The following TG variants were observed in gnomAD, a reference collection of about 807,000 sequenced individuals.
TG encodes the protein thyroid hormones.
Under a neutral mutation model 324.7 loss-of-function variants are expected in TG, and 270 were observed. The observed-to-expected ratio is 0.83, with a 90% confidence interval of 0.75 to 0.92. The LOEUF is 0.92. Among genes scored for constraint, TG ranks in the 40% least tolerant of loss-of-function variants. TG has a pLI of 0.00. For missense variants in TG, 3,591 were observed against 3,456.4 expected (o/e 1.04, Z -0.98); for synonymous variants, 1,401 against 1,327.0 (o/e 1.06, Z -1.21).
At chr8:133,130,108 A>G (rs932957340) in intron 45 of TG, among the ~76,000 whole-genome samples, 1 of 152,204 alleles carries the variant, frequency 6.6e-6, no homozygotes, top group African/African-American at 2.4e-5. Flanking sequence ...TTGTGTCACC[A>G]TTTTACAGAG....
At chr8:133,036,206 C>A (rs1439589127) in intron 41 of TG, among the ~76,000 whole-genome samples, 1 of 152,190 alleles carries the variant, frequency 6.6e-6, no homozygotes, top group African/African-American at 2.4e-5. Context: ...TAAGCCTGGA[C>A]CTGAAGGATG....
intron 3 of TG, 115 bp from the exon 4 acceptor site, chr8:132,871,233 C>A: frequency 9.5e-7 from 1 of 1,053,584 alleles, no homozygotes; most frequent in Non-Finnish European, 1.5e-6. Context: ...TGTCCTTGGG[C>A]GGGTCATTCC....
chr8:132,945,037 G>A (rs1303021101), intron 26 of TG, among the ~76,000 whole-genome samples: 5 of 152,256 alleles, frequency 3.3e-5, no homozygotes, highest in South Asian at 4.2e-4. Context: ...CCTTGTAGGC[G>A]GCATGAATAG....
At chr8:132,952,600 T>A (rs1057182367) in intron 27 of TG, among the ~76,000 whole-genome samples, 3 of 152,206 alleles carry the variant, frequency 2.0e-5, no homozygotes, top group Non-Finnish European at 4.4e-5. Context: ...ATGATCTGGG[T>A]AATGGGGAAT....
chr8:132,976,966 T>C (rs1010215995), intron 34 of TG, among the ~76,000 whole-genome samples: 3 of 152,206 alleles, frequency 2.0e-5, no homozygotes, highest in Non-Finnish European at 2.9e-5. Flanking sequence ...GTTTAATAAA[T>C]TACAGTATTC....
intron 25 of TG, among the ~76,000 whole-genome samples, chr8:132,938,717 T>A (rs973789011): frequency 9.9e-5 from 15 of 151,908 alleles, no homozygotes; most frequent in African/African-American, 3.6e-4. Context: ...AGGGAAGGAA[T>A]CACAGAGGAG....
At chr8:132,936,910 C>G (rs950611072) in intron 25 of TG, among the ~76,000 whole-genome samples, 5 of 151,280 alleles carry the variant, frequency 3.3e-5, no homozygotes, top group African/African-American at 1.2e-4. Flanking sequence ...AACCCCTCCT[C>G]TGCCACATAT....
At chr8:133,033,057 C>T (rs1319710686) in intron 41 of TG, among the ~76,000 whole-genome samples, 1 of 152,164 alleles carries the variant, frequency 6.6e-6, no homozygotes, top group East Asian at 1.9e-4. Flanking sequence ...TTGGGACTCT[C>T]TTGGGGTCTC....
In TG at chr8:132,886,702, A is replaced by G. The variant is rs115514040; in HGVS notation, c.1330A>G (p.Ile444Val). 5.1e-5 allele frequency: 82 copies of G among 1,614,234 alleles called. No individual in the cohort carries two copies. In the African/African-American group the frequency reaches 9.1e-4, roughly 18 times the overall value. ...CTCAGAAAATCTTCTCAAAGAAGCC[A>G]TCCGAGCAATTTTTCCCTCCCGAGG... is the stretch of plus-strand genomic sequence containing the variant. ...SVSENLLKEA[I>V]RAIFPSRGLA... Residue 444 changes from isoleucine to valine, a missense_variant, in exon 9 of 48, where the codon ATC (isoleucine) becomes GTC (valine). Ile to Val is a conservative substitution (Grantham distance 29). Transcript: ENST00000220616.
In TG at chr8:132,929,151, A is replaced by C. The variant is rs1258602787; in HGVS notation, c.4775A>C (p.Lys1592Thr). The stretch of plus-strand genomic sequence containing the variant: ...AATGCTCCTGTGGCTGTCAGATCCA[A>C]AGTTCCTGATTCTGAGTTCCCCGTG... Reference protein sequence around the residue: ...DANAPVAVRSKVPDSEFPVMQ... With the variant: ...DANAPVAVRSTVPDSEFPVMQ... Residue 1592 changes from lysine to threonine, a missense_variant, in exon 23 of 48, where the codon AAA becomes ACA. Physicochemically the swap from Lys to Thr is moderately conservative, Grantham distance 78. Coordinates refer to ENST00000220616, the MANE Select transcript of TG (RefSeq NM_003235.5). The C allele has an allele frequency of 1.2e-6, 2 of 1,614,160 alleles. No individual in the cohort carries two copies. Among genetic ancestry groups the C allele is most frequent in the Non-Finnish European group, 8.5e-7 (1 of 1,180,020 alleles).
intron 41 of TG, chr8:133,049,153 C>T (rs1414619946): frequency 4.4e-6 from 2 of 456,416 alleles, no homozygotes; most frequent in South Asian, 1.5e-5. Flanking sequence ...CCAAAGCCAC[C>T]CAGGAGGCTG....
chr8:132,893,675 T>C lies in TG; in HGVS notation c.2762-15T>C, dbSNP rs1241753761. On this transcript the variant is annotated splice_polypyrimidine_tract_variant and intron_variant, in intron 10 of 47. Transcript: ENST00000220616. ...GTGGTGAGTGAGTCCATCTGTGTTA[T>C]TTTTATTCCCCTAGGTCCTGGCTCC... 1 of 1,613,424 alleles carries C rather than the reference T, an allele frequency of 6.2e-7. No individual in the cohort carries two copies. Among genetic ancestry groups the C allele is most frequent in the Non-Finnish European group, 8.5e-7 (1 of 1,179,812 alleles).
intron 35 of TG, among the ~76,000 whole-genome samples, chr8:132,987,522 G>A (rs1831719150): frequency 6.6e-6 from 1 of 152,140 alleles, no homozygotes; most frequent in Non-Finnish European, 1.5e-5. Flanking sequence ...TTCATAGCAT[G>A]GTCTGTTTTT....
intron 22 of TG, among the ~76,000 whole-genome samples, chr8:132,924,333 C>T (rs1030198339): frequency 6.6e-6 from 1 of 152,190 alleles, no homozygotes; most frequent in Non-Finnish European, 1.5e-5. Context: ...GGCCCAGTTC[C>T]TAACAGGCCA....
At chr8:132,936,496 C>T (rs914210695) in intron 25 of TG, among the ~76,000 whole-genome samples, 19 of 152,300 alleles carry the variant, frequency 1.2e-4, no homozygotes, top group African/African-American at 3.4e-4. Context: ...GCTGCTGGTC[C>T]GGGGACCACA....
intron 40 of TG, among the ~76,000 whole-genome samples, chr8:133,025,054 A>G (rs945411066): frequency 2.6e-5 from 4 of 152,190 alleles, no homozygotes; most frequent in East Asian, 3.8e-4. Context: ...TGTGTCCCAC[A>G]TTCCCAGACT....
chr8:132,946,043 C>T (rs1178350316), intron 26 of TG, among the ~76,000 whole-genome samples: 2 of 14,184 alleles, frequency 1.4e-4, no homozygotes, highest in African/African-American at 9.5e-4. Flanking sequence ...ATGTTACACA[C>T]ACACACACAC....
chr8:132,883,758 C>CG (rs895431711), intron 8 of TG, among the ~76,000 whole-genome samples: 1 of 152,058 alleles, frequency 6.6e-6, no homozygotes, highest in African/African-American at 2.4e-5. Flanking sequence ...CCGGAGGCAA[C>CG]GGGGCTAATT....
chr8:132,921,375 C>G (rs796787978), intron 21 of TG, among the ~76,000 whole-genome samples: 1 of 152,224 alleles, frequency 6.6e-6, no homozygotes, highest in Non-Finnish European at 1.5e-5. Flanking sequence ...TTCTCCCAAA[C>G]ATCTTCCCTG....
Sources: allele counts gnomAD v4.1 joint callset (sites outside exome capture counted in the v4.1 genomes callset), GRCh38; gene constraint gnomAD v4.1.1; transcripts MANE v1.5; gene names NCBI Gene and HGNC (gene_info 2026-07-23, HGNC 2026-07-21).